The following DCDC1 variants were observed in gnomAD, a reference collection of about 807,000 sequenced individuals.
DCDC1 encodes doublecortin domain-containing protein 1.
DCDC1 carries 200 observed loss-of-function variants against 178.3 expected under a neutral mutation model. The ratio of observed to expected loss-of-function variants is 1.12; its 90% CI spans 1.00 to 1.26. DCDC1 has a LOEUF of 1.26. Among genes scored for constraint, DCDC1 ranks in the 50% most tolerant of loss-of-function variants. The probability of loss-of-function intolerance (pLI) is 0.00; values close to 1 mark genes in which losing one functional copy is unlikely to be tolerated. For synonymous variants in DCDC1, 690 were observed against 604.8 expected (o/e 1.14, Z -2.07); for missense variants, 1,983 against 1,749.2 (o/e 1.13, Z -2.38).
chr11:31,283,997 A>G (rs950158010), intron 7 of DCDC1, among the ~76,000 whole-genome samples: 3 of 147,468 alleles, frequency 2.0e-5, no homozygotes, highest in Admixed American at 6.8e-5. Flanking sequence ...TCTCTCTACT[A>G]CGATCCATAA....
intron 8 of DCDC1, among the ~76,000 whole-genome samples, chr11:31,254,560 T>C (rs192443811): frequency 6.6e-6 from 1 of 152,346 alleles, no homozygotes; most frequent in Non-Finnish European, 1.5e-5. Context: ...TGGTACATAT[T>C]GCCACAGTAA....
At chr11:31,123,326 A>T (rs1221892569) in intron 11 of DCDC1, among the ~76,000 whole-genome samples, 1 of 152,146 alleles carries the variant, frequency 6.6e-6, no homozygotes, top group Non-Finnish European at 1.5e-5. Flanking sequence ...AAATAACTTC[A>T]AGAGAATAGG....
At chr11:31,118,160 T>A (rs2135862543) in intron 11 of DCDC1, among the ~76,000 whole-genome samples, 1 of 152,214 alleles carries the variant, frequency 6.6e-6, no homozygotes, top group South Asian at 2.1e-4. Flanking sequence ...ATCATCAAAC[T>A]TTCCCCAAAT....
At chr11:30,968,097 C>G (rs1054076471) in intron 20 of DCDC1, among the ~76,000 whole-genome samples, 1 of 152,116 alleles carries the variant, frequency 6.6e-6, no homozygotes, top group Admixed American at 6.6e-5. Context: ...GGAACTGAGA[C>G]AGTTTCTATC....
chr11:31,293,295 T>C (rs960208777), intron 6 of DCDC1, among the ~76,000 whole-genome samples: 10 of 152,224 alleles, frequency 6.6e-5, no homozygotes, highest in South Asian at 2.1e-4. Flanking sequence ...GAATTGGTTA[T>C]GTAAGTGACA....
chr11:31,208,360 C>A (rs1369804787), intron 9 of DCDC1, among the ~76,000 whole-genome samples: 2 of 152,120 alleles, frequency 1.3e-5, no homozygotes, highest in Non-Finnish European at 2.9e-5. Context: ...ATATCCAATC[C>A]AATGGTAGAT....
chr11:31,362,059 C>T (rs945255329), intron 1 of DCDC1, among the ~76,000 whole-genome samples: 1 of 152,110 alleles, frequency 6.6e-6, no homozygotes, highest in African/African-American at 2.4e-5. Flanking sequence ...TTTAGCCTAA[C>T]GCTAAACTAT....
intron 9 of DCDC1, chr11:31,215,288 T>G (rs1363554311): frequency 6.1e-6 from 1 of 163,918 alleles, no homozygotes; most frequent in Non-Finnish European, 1.3e-5. Context: ...AAATAAATAA[T>G]TCATAAATAA....
intron 20 of DCDC1, among the ~76,000 whole-genome samples, chr11:31,060,765 T>A (rs1590912380): frequency 6.6e-6 from 1 of 152,282 alleles, no homozygotes; most frequent in African/African-American, 2.4e-5. Flanking sequence ...TAATTTGTTA[T>A]ATTTTCTTCA....
chr11:31,182,657 T>C (rs1968963749), intron 9 of DCDC1, among the ~76,000 whole-genome samples: 1 of 152,074 alleles, frequency 6.6e-6, no homozygotes, highest in Non-Finnish European at 1.5e-5. Flanking sequence ...TACCAAATTG[T>C]AAAGGCCGTC....
At chr11:31,295,677 T>A (rs1947635365) in intron 6 of DCDC1, among the ~76,000 whole-genome samples, 1 of 152,160 alleles carries the variant, frequency 6.6e-6, no homozygotes, top group Non-Finnish European at 1.5e-5. Context: ...GTCTTGGCCA[T>A]GCTTCTTCCT....
intron 9 of DCDC1, among the ~76,000 whole-genome samples, chr11:31,147,491 T>C (rs965760058): frequency 6.6e-6 from 1 of 152,226 alleles, no homozygotes; most frequent in Admixed American, 6.5e-5. Context: ...GGCAGCTTTG[T>C]ACTTGCAAAG....
chr11:31,307,404 A>G, intron 4 of DCDC1: 1 of 515,184 alleles, frequency 1.9e-6, no homozygotes. Flanking sequence ...TCTGCTTCAA[A>G]TATTCTTTTC....
intron 10 of DCDC1, among the ~76,000 whole-genome samples, chr11:31,137,355 G>GTTT (rs35286625): frequency 1.4e-5 from 2 of 138,520 alleles, no homozygotes; most frequent in Non-Finnish European, 3.1e-5. Flanking sequence ...TTCATTGCAG[G>GTTT]TTTTTTTTTT....
chr11:30,960,556 T>C (rs779958751), intron 20 of DCDC1, among the ~76,000 whole-genome samples: 2 of 152,150 alleles, frequency 1.3e-5, no homozygotes, highest in Middle Eastern at 3.2e-3. Flanking sequence ...GTAAGTTCTC[T>C]GGAATCCTAA....
At chr11:30,960,953 A>T (rs2134574736) in intron 20 of DCDC1, among the ~76,000 whole-genome samples, 1 of 152,246 alleles carries the variant, frequency 6.6e-6, no homozygotes, top group South Asian at 2.1e-4. Flanking sequence ...ATTTCCTCCC[A>T]GATTTATTTG....
chr11:30,994,188 C>T (rs1328912972), intron 20 of DCDC1, among the ~76,000 whole-genome samples: 1 of 152,078 alleles, frequency 6.6e-6, no homozygotes, highest in East Asian at 1.9e-4. Context: ...TTACCATAGA[C>T]TAAATAGGAA....
intron 9 of DCDC1, chr11:31,155,773 G>C (rs1158009070): frequency 6.6e-6 from 1 of 152,216 alleles, no homozygotes; most frequent in Non-Finnish European, 1.5e-5. Flanking sequence ...AGCTAAAGGT[G>C]GGCAAGAGGT....
intron 34 of DCDC1, among the ~76,000 whole-genome samples, chr11:30,899,136 AAAAC>A (rs1459089823): frequency 6.6e-6 from 1 of 152,006 alleles, no homozygotes; most frequent in Non-Finnish European, 1.5e-5. Flanking sequence ...ACAAAACAAA[AAAAC>A]AAAAAAAAAA....
Sources: gnomAD v4.1 joint callset for allele counts (sites outside exome capture counted in the v4.1 genomes callset) on GRCh38, gnomAD v4.1.1 for gene constraint, MANE v1.5 for transcripts, NCBI Gene and HGNC (gene_info 2026-07-23, HGNC 2026-07-21) for gene names.